Variants in THSD4 observed in about 807,000 individuals in gnomAD.
THSD4 encodes the protein thrombospondin type 1 domain containing 4, also known as thrombospondin type-1 domain-containing protein 4.
Under a neutral mutation model 119.0 loss-of-function variants are expected in THSD4, and 69 were observed. The observed-to-expected ratio is 0.58, with a 90% CI of 0.48 to 0.71. The LOEUF is 0.71. THSD4 is among the 30% of genes least tolerant of loss of function. The probability of loss-of-function intolerance (pLI) is 0.00; values close to 1 mark genes in which losing one functional copy is unlikely to be tolerated. For synonymous variants in THSD4, 524 were observed against 540.4 expected (o/e 0.97, Z 0.42); for missense variants, 1,393 against 1,391.1 (o/e 1.00, Z -0.02).
chr15:71,703,305 A>G (rs905217326), intron 8 of THSD4, among the ~76,000 whole-genome samples: 4 of 152,290 alleles, frequency 2.6e-5, no homozygotes, highest in South Asian at 4.2e-4. Flanking sequence ...TTATCTCATC[A>G]TGTAGACCCA....
intron 4 of THSD4, among the ~76,000 whole-genome samples, chr15:71,226,973 C>T (rs1277870156): frequency 1.3e-5 from 2 of 152,126 alleles, no homozygotes; most frequent in Non-Finnish European, 2.9e-5. Flanking sequence ...GTCCCTGAAT[C>T]GTTTGACAAG....
At chr15:71,598,612 T>A (rs2049949458) in intron 7 of THSD4, among the ~76,000 whole-genome samples, 1 of 152,064 alleles carries the variant, frequency 6.6e-6, no homozygotes, top group Non-Finnish European at 1.5e-5. Flanking sequence ...CTTAGGTGTT[T>A]TTTGTTTGTT....
At chr15:71,425,344 G>A (rs2046854516) in intron 7 of THSD4, among the ~76,000 whole-genome samples, 1 of 152,186 alleles carries the variant, frequency 6.6e-6, no homozygotes, top group Non-Finnish European at 1.5e-5. Context: ...AATCAGAATA[G>A]AAAGAGTTGT....
chr15:71,150,714 T>C (rs1027893996), intron 2 of THSD4, among the ~76,000 whole-genome samples: 2 of 152,178 alleles, frequency 1.3e-5, no homozygotes, highest in African/African-American at 4.8e-5. Context: ...CTAAGGATGG[T>C]TTTTTGGAGA....
chr15:71,226,429 A>G (rs2044018693), intron 4 of THSD4, among the ~76,000 whole-genome samples: 1 of 152,132 alleles, frequency 6.6e-6, no homozygotes, highest in South Asian at 2.1e-4. Flanking sequence ...AGGTTCGTTC[A>G]TTTTGAAACA....
chr15:71,174,530 C>T (rs1341773801), intron 3 of THSD4, among the ~76,000 whole-genome samples: 2 of 52,468 alleles, frequency 3.8e-5, no homozygotes, highest in Non-Finnish European at 8.0e-5. Flanking sequence ...AGTCTGAGAT[C>T]AAACTGCAAG....
chr15:71,326,592 T>G (rs1489144015), intron 6 of THSD4, among the ~76,000 whole-genome samples: 1 of 141,734 alleles, frequency 7.1e-6, no homozygotes, highest in African/African-American at 2.6e-5. Flanking sequence ...GAGAATTGTT[T>G]GAACCTGGGA....
chr15:71,757,823 T>C, intron 14 of THSD4, 79 bp from the exon 15 acceptor site: 1 of 1,572,080 alleles, frequency 6.4e-7, no homozygotes. Flanking sequence ...AAGCATTCCA[T>C]CCTCCTTTCC....
In THSD4 at chr15:71,370,601, TTTC is replaced by T. The variant is rs1269106652; in HGVS notation, c.1016-41083_1016-41081del. 6.6e-5 allele frequency among the ~76,000 whole-genome samples: 10 copies of T among 152,262 alleles called. No homozygotes were observed. The East Asian group carries it at 1.7e-3, about 26-fold the overall frequency. ...ATGTAGTTGAGCGGTTTTGAGTGAG[TTTC>T]TTAATCCTGAGTTCTGGTTTGATTG... is the stretch of plus-strand genomic sequence containing the variant. On this transcript the variant is annotated intron_variant, in intron 6 of 17. Transcript: ENST00000261862.
intron 7 of THSD4, among the ~76,000 whole-genome samples, chr15:71,538,011 C>T (rs886440391): frequency 4.6e-5 from 7 of 152,110 alleles, no homozygotes; most frequent in Admixed American, 2.0e-4. Flanking sequence ...CCACCTACCT[C>T]GGCCTTCCAA....
intron 6 of THSD4, among the ~76,000 whole-genome samples, chr15:71,388,665 T>A (rs568478841): frequency 9.7e-4 from 138 of 142,046 alleles, no homozygotes; most frequent in African/African-American, 2.6e-3. Flanking sequence ...TTGGAGAGAG[T>A]GTGTGTGTGT....
chr15:71,459,991 T>C (rs1171128633), intron 7 of THSD4, among the ~76,000 whole-genome samples: 1 of 152,228 alleles, frequency 6.6e-6, no homozygotes, highest in Non-Finnish European at 1.5e-5. Flanking sequence ...CAGCGGTCTC[T>C]ACCTCTGGGC....
At chr15:71,728,805 A>G (rs770017073) in intron 9 of THSD4, 81 bp downstream of exon 9, 281 of 1,543,312 alleles carry the variant, frequency 1.8e-4, no homozygotes, top group Non-Finnish European at 2.3e-4. Flanking sequence ...CAAATAAGCA[A>G]CAAATCATTG....
In THSD4 at chr15:71,660,674, A is replaced by G. The variant is rs748422586; in HGVS notation, c.1297A>G (p.Ile433Val). The stretch of plus-strand genomic sequence containing the variant: ...CCTGGGCTACCACCGCGTCGTGGAG[A>G]TTCCCGAGGGAGCCACGAAAATCAA... The part of the protein sequence containing the change: ...TSLGYHRVVE[I>V]PEGATKINIT... Residue 433 changes from isoleucine to valine, a missense_variant, in exon 8 of 18, where the codon ATT (isoleucine) becomes GTT (valine). Transcript: ENST00000261862. 2 of 1,614,090 alleles carry G rather than the reference A, an allele frequency of 1.2e-6. No homozygotes were observed. The highest frequency in any genetic ancestry group is 1.1e-5 in the South Asian group (1 of 91,076).
At chr15:71,275,092 C>A (rs1401911951) in intron 6 of THSD4, among the ~76,000 whole-genome samples, 1 of 152,000 alleles carries the variant, frequency 6.6e-6, no homozygotes, top group East Asian at 1.9e-4. Flanking sequence ...TGTTCCTACT[C>A]AACAGATGCA....
At chr15:71,644,062 C>T (rs1465423833) in intron 7 of THSD4, among the ~76,000 whole-genome samples, 1 of 152,180 alleles carries the variant, frequency 6.6e-6, no homozygotes, top group Non-Finnish European at 1.5e-5. Flanking sequence ...GCTTGAAAGC[C>T]ACTGACCTGT....
chr15:71,198,245 C>T (rs2043736784), intron 3 of THSD4, among the ~76,000 whole-genome samples: 1 of 152,002 alleles, frequency 6.6e-6, no homozygotes, highest in Non-Finnish European at 1.5e-5. Flanking sequence ...CCAGCTTGGG[C>T]AAGAGAGCAA....
intron 7 of THSD4, among the ~76,000 whole-genome samples, chr15:71,456,938 C>T (rs751336738): frequency 6.6e-6 from 1 of 152,206 alleles, no homozygotes; most frequent in African/African-American, 2.4e-5. Flanking sequence ...ATGGCCTTCC[C>T]TCCAGAAGCT....
chr15:71,294,297 G>C (rs2044832061), intron 6 of THSD4, among the ~76,000 whole-genome samples: 1 of 152,146 alleles, frequency 6.6e-6, no homozygotes. Context: ...TCAGTTACCA[G>C]GAGTCCCTGT....
Sources: gnomAD v4.1 joint callset for allele counts (sites outside exome capture counted in the v4.1 genomes callset) on GRCh38, gnomAD v4.1.1 for gene constraint, MANE v1.5 for transcripts, NCBI Gene and HGNC (gene_info 2026-07-23, HGNC 2026-07-21) for gene names.